Variants in USP10 observed in about 807,000 individuals in gnomAD.
USP10 encodes the protein ubiquitin specific peptidase 10.
A neutral mutation model predicts 84.5 loss-of-function variants in USP10; 22 were observed. The observed-to-expected ratio is 0.26, with a 90% CI of 0.19 to 0.37. USP10 has a LOEUF of 0.37. USP10 is among the 10% of genes least tolerant of loss of function. USP10 has a pLI of 1.00. For synonymous variants in USP10, 454 were observed against 387.6 expected (o/e 1.17, Z -2.01); for missense variants, 1,019 against 998.9 (o/e 1.02, Z -0.27).
chr16:84,771,084 G>C (rs1375504445), intron 11 of USP10, among the ~76,000 whole-genome samples: 1 of 150,650 alleles, frequency 6.6e-6, no homozygotes, highest in African/African-American at 2.4e-5. Context: ...TTATCCAAAT[G>C]AATATGGGAA....
chr16:84,758,603 G>A, intron 4 of USP10, 113 bp from the exon 5 acceptor site: 4 of 739,688 alleles, frequency 5.4e-6, no homozygotes, highest in Middle Eastern at 2.4e-4. Flanking sequence ...CTTTGGCTGT[G>A]TGTTTTACTG....
At position 84,779,093 on chromosome 16, in the gene USP10, C is replaced by A; in HGVS notation, c.*11C>A. ...GTGGACCTGCTGTAAACCCTGTGTG[C>A]GCTGTGTGTGCGCCCAGTGCCCGCT... On this transcript the variant is annotated 3_prime_UTR_variant, in exon 14 of 14. Coordinates refer to ENST00000219473, the MANE Select transcript of USP10 (RefSeq NM_005153.3). 1.2e-6 allele frequency: 2 copies of A among 1,608,222 alleles called. No homozygotes were observed. Among genetic ancestry groups the A allele is most frequent in the Non-Finnish European group, 1.7e-6 (2 of 1,175,422 alleles).
At chr16:84,732,998 CT>C in intron 1 of USP10, 1 of 425,136 alleles carries the variant, frequency 2.4e-6, no homozygotes, top group Non-Finnish European at 4.6e-6. Context: ...TAACATTTTC[CT>C]TTTTTGGATT....
intron 1 of USP10, among the ~76,000 whole-genome samples, chr16:84,705,018 G>C (rs564106353): frequency 6.6e-6 from 1 of 152,334 alleles, no homozygotes; most frequent in South Asian, 2.1e-4. Flanking sequence ...CTGCTCCTAA[G>C]AGTCCTCAGT....
chr16:84,700,095 C>T lies in USP10; in HGVS notation c.5C>T (p.Ala2Val). The change falls in exon 1 of 14, where the codon GCC (alanine) becomes GTC (valine). Residue 2 changes from alanine (A) to valine (V), a missense_variant. Physicochemically the swap from Ala to Val is moderately conservative, Grantham distance 64. This residue lies in a region of USP10 where 787 missense variants were observed against 708.8 expected (regional missense o/e 1.11). Transcript: ENST00000219473. M[A>V]LHSPQYIFGD... ...GTCCCAATGAAACGGGCAGCCATGG[C>T]CCTCCACAGCCCGCAGGTAGCCGCC... 1 of 1,358,582 alleles carries T rather than the reference C, an allele frequency of 7.4e-7. No homozygotes were observed. 84.2% of individuals were successfully genotyped at this position (1,358,582 alleles called of 1,614,324 possible).
At position 84,745,157 on chromosome 16, in the gene USP10, A is replaced by C; in HGVS notation, c.676A>C (p.Ser226Arg). The change falls in exon 4 of 14, where the codon AGT becomes CGT. Residue 226 changes from serine to arginine, a missense_variant. Around this residue, in one of 2 missense-constraint regions of USP10, gnomAD observed 787 missense variants for 708.8 expected, o/e 1.11. Transcript: ENST00000219473. Reference sequence around the variant, plus strand: ...CTCTGTCAGTGACATTGTGCCTGACAGTCCTTTCCCCGGAGCACTCGGCAG... The same window carrying C: ...CTCTGTCAGTGACATTGTGCCTGACCGTCCTTTCCCCGGAGCACTCGGCAG... ...TDSVSDIVPD[S>R]PFPGALGSDT... 6.2e-7 allele frequency: 1 copy of C among 1,613,446 alleles called. No individual in the cohort carries two copies. Among genetic ancestry groups the C allele is most frequent in the Admixed American group, 1.7e-5 (1 of 59,986 alleles).
At chr16:84,721,527 G>GT (rs1284944144) in intron 1 of USP10, among the ~76,000 whole-genome samples, 2 of 152,118 alleles carry the variant, frequency 1.3e-5, no homozygotes, top group African/African-American at 2.4e-5. Flanking sequence ...GCAGTTCGAG[G>GT]TTTTTTGTCT....
At chr16:84,706,665 G>T (rs995675246) in intron 1 of USP10, among the ~76,000 whole-genome samples, 1 of 151,302 alleles carries the variant, frequency 6.6e-6, no homozygotes, top group South Asian at 2.1e-4. Context: ...CTCAGCCTCC[G>T]GAGTAGCTGG....
chr16:84,727,855 A>C (rs1187541221), intron 1 of USP10, among the ~76,000 whole-genome samples: 1 of 152,194 alleles, frequency 6.6e-6, no homozygotes. Flanking sequence ...CACTTTCACA[A>C]ATTTACATTG....
intron 2 of USP10, among the ~76,000 whole-genome samples, chr16:84,739,154 G>A (rs965755473): frequency 1.3e-5 from 2 of 151,272 alleles, no homozygotes; most frequent in African/African-American, 4.9e-5. Context: ...CGCCTCCCGG[G>A]TTCACGCCAT....
chr16:84,710,879 C>T (rs1906195264), intron 1 of USP10, among the ~76,000 whole-genome samples: 1 of 152,130 alleles, frequency 6.6e-6, no homozygotes, highest in East Asian at 1.9e-4. Context: ...GGTTTGTGTA[C>T]AGCTTTTTTT....
intron 2 of USP10, among the ~76,000 whole-genome samples, chr16:84,735,777 T>A (rs2150805657): frequency 6.6e-6 from 1 of 152,332 alleles, no homozygotes; most frequent in East Asian, 1.9e-4. Context: ...TTTTCTTATT[T>A]TTTAACATAC....
chr16:84,774,261 C>T (rs1404231753), intron 12 of USP10, among the ~76,000 whole-genome samples: 1 of 151,816 alleles, frequency 6.6e-6, no homozygotes, highest in Non-Finnish European at 1.5e-5. Context: ...AAATAAATAA[C>T]ATAAATGGGG....
At chr16:84,720,348 TC>T (rs1359104090) in intron 1 of USP10, among the ~76,000 whole-genome samples, 2 of 152,192 alleles carry the variant, frequency 1.3e-5, no homozygotes, top group Non-Finnish European at 2.9e-5. Flanking sequence ...CTTACAAGTT[TC>T]TGCCCATGTA....
chr16:84,700,886 C>T (rs1173618683), intron 1 of USP10, among the ~76,000 whole-genome samples: 2 of 151,888 alleles, frequency 1.3e-5, no homozygotes, highest in African/African-American at 4.8e-5. Flanking sequence ...GCTCTTATTC[C>T]CCTCTCCCAC....
At chr16:84,700,895 A>T (rs1597249114) in intron 1 of USP10, among the ~76,000 whole-genome samples, 1 of 150,396 alleles carries the variant, frequency 6.6e-6, no homozygotes, top group Admixed American at 6.6e-5. Flanking sequence ...CCCCTCTCCC[A>T]CCCCTTCTCT....
At chr16:84,747,534 A>G (rs1330903592) in intron 4 of USP10, among the ~76,000 whole-genome samples, 2 of 129,582 alleles carry the variant, frequency 1.5e-5, no homozygotes, top group Non-Finnish European at 3.4e-5. Flanking sequence ...GGCTTCATAT[A>G]TATTTTTTAA....
chr16:84,738,032 G>A (rs1257673945), intron 2 of USP10, among the ~76,000 whole-genome samples: 1 of 152,208 alleles, frequency 6.6e-6, no homozygotes, highest in African/African-American at 2.4e-5. Context: ...TTCACACCCC[G>A]TGGTTGAATG....
intron 1 of USP10, chr16:84,704,766 C>A (rs975155687): frequency 1.3e-6 from 2 of 1,535,012 alleles, no homozygotes; most frequent in Non-Finnish European, 8.7e-7. Context: ...CCATTTTCAT[C>A]AGATGACTTG....
Sources: gnomAD v4.1 joint callset for allele counts (sites outside exome capture counted in the v4.1 genomes callset) on GRCh38, gnomAD v4.1.1 for gene constraint, gnomAD v4.1.1 regional missense constraint, MANE v1.5 for transcripts, NCBI Gene and HGNC (gene_info 2026-07-23, HGNC 2026-07-21) for gene names.